The following RAB1B variants were observed in gnomAD, a reference collection of about 807,000 sequenced individuals.
The protein encoded by RAB1B is RAB1B, member RAS oncogene family.
In RAB1B, 10 loss-of-function variants were observed where a neutral mutation model predicts 24.8. The observed-to-expected ratio is 0.40, with a 90% CI of 0.25 to 0.68. RAB1B has a LOEUF of 0.68. Among genes scored for constraint, RAB1B ranks in the 30% least tolerant of loss-of-function variants. The pLI, the probability that RAB1B is intolerant of heterozygous loss-of-function variation, is 0.37. For missense variants in RAB1B, 154 were observed against 271.2 expected (o/e 0.57, Z 3.04); for synonymous variants, 99 against 111.7 (o/e 0.89, Z 0.72).
intron 4 of RAB1B, 148 bp from the exon 5 acceptor site, chr11:66,275,656 A>G: frequency 1.2e-6 from 1 of 848,242 alleles, no homozygotes; most frequent in Non-Finnish European, 1.8e-6. Context: ...AGCCTGGAGC[A>G]GAGGGCTTCC....
At chr11:66,272,814 C>T (rs1473700907) in intron 4 of RAB1B, among the ~76,000 whole-genome samples, 2 of 152,158 alleles carry the variant, frequency 1.3e-5, no homozygotes, top group African/African-American at 4.8e-5. Context: ...TATGCTGGGC[C>T]TGTGGCTTCC....
intron 4 of RAB1B, among the ~76,000 whole-genome samples, chr11:66,273,971 T>C (rs1565181945): frequency 6.6e-6 from 1 of 152,140 alleles, no homozygotes; most frequent in East Asian, 1.9e-4. Context: ...ATCCCCATTT[T>C]TAATATTTTT....
At chr11:66,272,334 C>T in intron 3 of RAB1B, 31 bp from the exon 4 acceptor site, 1 of 1,608,396 alleles carries the variant, frequency 6.2e-7, no homozygotes. Context: ...TGGACCTCAG[C>T]TGACCTGCTC....
rs1393503361 is a variant in RAB1B at position 66,276,155 on chromosome 11, C to A, written c.523C>A (p.Pro175Thr). ...MAAEIKKRMG[P>T]GAASGGERPN... Reference sequence around the variant, plus strand: ...TGCTGAAATCAAAAAGCGGATGGGGCCTGGAGCAGCCTCTGGGGGCGAGCG... The same window carrying A: ...TGCTGAAATCAAAAAGCGGATGGGGACTGGAGCAGCCTCTGGGGGCGAGCG... Residue 175 changes from proline to threonine, a missense_variant, in exon 6 of 6, where the codon CCT becomes ACT. By Grantham distance (38) the Pro-to-Thr change is conservative. Transcript: ENST00000311481. 6.2e-7 allele frequency: 1 copy of A among 1,612,758 alleles called. No homozygotes were observed. The highest frequency in any genetic ancestry group is 1.1e-5 in the South Asian group (1 of 90,784).
At chr11:66,272,314 T>A (rs1565181467) in intron 3 of RAB1B, 51 bp from the exon 4 acceptor site, 4 of 1,601,766 alleles carry the variant, frequency 2.5e-6, no homozygotes, top group Non-Finnish European at 3.4e-6. Context: ...GGGAAGGGAC[T>A]CTGGGACTCT....
chr11:66,272,551 G>A, intron 4 of RAB1B, 91 bp downstream of exon 4: 1 of 856,852 alleles, frequency 1.2e-6, no homozygotes, highest in Non-Finnish European at 1.8e-6. Context: ...CTTTCCTGAT[G>A]CTTCCTGGAA....
At chr11:66,272,842 C>G (rs1439540157) in intron 4 of RAB1B, among the ~76,000 whole-genome samples, 1 of 152,184 alleles carries the variant, frequency 6.6e-6, no homozygotes, top group East Asian at 1.9e-4. Flanking sequence ...AGACACAGTG[C>G]AGGGGGACAA....
intron 2 of RAB1B, 106 bp from the exon 3 acceptor site, chr11:66,272,051 G>A: frequency 1.0e-6 from 1 of 1,003,002 alleles, no homozygotes. Flanking sequence ...GGGAATTGGG[G>A]CTTGGTGGTT....
chr11:66,268,716 G>A (rs1464698748), intron 1 of RAB1B, 23 bp downstream of exon 1: 6 of 1,559,210 alleles, frequency 3.8e-6, no homozygotes, highest in East Asian at 2.4e-5. Context: ...CGCCCGCGCC[G>A]TCCAGCGCAG....
At position 66,276,877 on chromosome 11, in the gene RAB1B, G is replaced by C. The variant is rs1857158963; in HGVS notation, c.*639G>C. 6.5e-6 allele frequency: 1 copy of C among 152,902 alleles called. No individual in the cohort carries two copies. Among genetic ancestry groups the C allele is most frequent in the Non-Finnish European group, 1.5e-5 (1 of 68,444 alleles). 9.5% of individuals were successfully genotyped at this position (152,902 alleles called of 1,614,324 possible). A position where few individuals can be genotyped will look rare whatever the true frequency, so the allele number is the denominator to read the frequency against. ...GGGCGGGTAGCAGTGCTGGGCCTGT[G>C]TCTTGAGCCTGGAGGGAGTCTGCTC... is the stretch of plus-strand genomic sequence containing the variant. On this transcript the variant is annotated 3_prime_UTR_variant, in exon 6 of 6. Transcript: ENST00000311481.
intron 1 of RAB1B, chr11:66,271,572 A>T: frequency 2.7e-6 from 1 of 364,242 alleles, no homozygotes; most frequent in Non-Finnish European, 5.1e-6. Flanking sequence ...CAGGAAGCTG[A>T]GGTGGGAAGA....
At chr11:66,273,808 TTA>T (rs1857098958) in intron 4 of RAB1B, among the ~76,000 whole-genome samples, 1 of 152,080 alleles carries the variant, frequency 6.6e-6, no homozygotes, top group African/African-American at 2.4e-5. Context: ...TGGAGAGGTG[TTA>T]AGTAACTTGC....
chr11:66,273,971 TTAATATTTTTATTTATTTTAAGACA>T lies in RAB1B; in HGVS notation c.279+1513_279+1537del, dbSNP rs1171217119. Among the ~76,000 whole-genome samples the T allele has an allele frequency of 6.6e-5, 10 of 152,258 alleles. No homozygotes were observed. In the East Asian group the frequency reaches 1.9e-3, roughly 29 times the overall value. ...CAAACCAGCGCCTCTATCCCCATTT[TTAATATTTTTATTTATTTTAAGACA>T]TGGGGTCTCACTCTGTCACCCAGAC... is the stretch of plus-strand genomic sequence containing the variant. On this transcript the variant is annotated intron_variant, in intron 4 of 5. Transcript: ENST00000311481.
At position 66,276,166 on chromosome 11, in the gene RAB1B, C is replaced by G. The variant is rs916549270; in HGVS notation, c.534C>G (p.Ala178=). The G allele has an allele frequency of 3.7e-6, 6 of 1,610,622 alleles. No individual in the cohort carries two copies. Among genetic ancestry groups the G allele is most frequent in the Non-Finnish European group, 5.1e-6 (6 of 1,179,080 alleles). The change falls in exon 6 of 6, where the codon GCC becomes GCG. Residue 178 remains alanine, a synonymous_variant. Coordinates refer to ENST00000311481, the MANE Select transcript of RAB1B (RefSeq NM_030981.3). ...EIKKRMGPGA[A]SGGERPNLKI... is the part of the protein sequence containing the mutation. ...AAAAGCGGATGGGGCCTGGAGCAGC[C>G]TCTGGGGGCGAGCGGCCCAATCTCA...
intron 4 of RAB1B, among the ~76,000 whole-genome samples, chr11:66,275,517 G>A (rs1306071309): frequency 6.6e-6 from 1 of 152,266 alleles, no homozygotes; most frequent in South Asian, 2.1e-4. Context: ...AGTGTCTCAG[G>A]GAGAGAGACA....
intron 1 of RAB1B, 129 bp downstream of exon 1, chr11:66,268,822 A>ACCGCCC: frequency 1.6e-6 from 1 of 620,766 alleles, no homozygotes; most frequent in Admixed American, 6.2e-5. Flanking sequence ...TCTTCCGCTG[A>ACCGCCC]CCCCCCCCCA....
At chr11:66,269,915 C>T (rs1857026592) in intron 1 of RAB1B, 1 of 151,972 alleles carries the variant, frequency 6.6e-6, no homozygotes, top group African/African-American at 2.4e-5. Context: ...CTCTCTGTCA[C>T]CCAGGCTGGA....
At chr11:66,273,069 C>T (rs1032995563) in intron 4 of RAB1B, among the ~76,000 whole-genome samples, 17 of 152,206 alleles carry the variant, frequency 1.1e-4, no homozygotes, top group African/African-American at 4.1e-4. Flanking sequence ...GTGTTCCCAT[C>T]GCACAGGTAA....
At chr11:66,271,342 G>T (rs1372490401) in intron 1 of RAB1B, 1 of 157,124 alleles carries the variant, frequency 6.4e-6, no homozygotes, top group Non-Finnish European at 1.4e-5. Flanking sequence ...ACAAAACTTA[G>T]ACAAGCATGG....
Sources: allele counts gnomAD v4.1 joint callset (sites outside exome capture counted in the v4.1 genomes callset), GRCh38; gene constraint gnomAD v4.1.1; transcripts MANE v1.5; gene names NCBI Gene and HGNC (gene_info 2026-07-23, HGNC 2026-07-21).